The following GMEB1 variants were observed in gnomAD, a reference collection of about 807,000 sequenced individuals.
The protein encoded by GMEB1 is glucocorticoid modulatory element binding protein 1.
A neutral mutation model predicts 52.4 loss-of-function variants in GMEB1; 6 were observed. The ratio of observed to expected loss-of-function variants is 0.11; its 90% CI spans 0.06 to 0.23. GMEB1 has a LOEUF of 0.23. Among genes scored for constraint, GMEB1 ranks in the 10% least tolerant of loss-of-function variants. The pLI is 1.00. For synonymous variants in GMEB1, 255 were observed against 244.9 expected (o/e 1.04, Z -0.38); for missense variants, 486 against 685.6 (o/e 0.71, Z 3.25).
intron 1 of GMEB1, among the ~76,000 whole-genome samples, chr1:28,673,154 G>A (rs1219323689): frequency 3.9e-5 from 6 of 152,018 alleles, no homozygotes; most frequent in Non-Finnish European, 5.9e-5. Context: ...TCGGCCTCCC[G>A]AAGTGCTGGG....
intron 2 of GMEB1, 109 bp downstream of exon 2, chr1:28,683,849 G>A (rs1669508087): frequency 9.5e-7 from 1 of 1,049,098 alleles, no homozygotes; most frequent in African/African-American, 1.6e-5. Context: ...ACATCAATCA[G>A]AGCTGGCTCA....
chr1:28,692,867 TATC>T, intron 4 of GMEB1, 72 bp from the exon 5 acceptor site: 1 of 712,890 alleles, frequency 1.4e-6, no homozygotes, highest in Non-Finnish European at 2.4e-6. Context: ...GATGTAGAGT[TATC>T]ATTTCATTAT....
At chr1:28,672,796 G>T (rs1668959217) in intron 1 of GMEB1, among the ~76,000 whole-genome samples, 1 of 143,386 alleles carries the variant, frequency 7.0e-6, no homozygotes, top group Non-Finnish European at 1.5e-5. Flanking sequence ...CTGGAGTGCA[G>T]TGGCACAATC....
rs1221388260 is a variant in GMEB1 at position 28,714,746 on chromosome 1, T to G, written c.1665T>G (p.Asn555Lys). Residue 555 changes from asparagine to lysine, a missense_variant, in exon 10 of 10, where the codon AAT becomes AAG. Physicochemically the swap from Asn to Lys is moderately conservative, Grantham distance 94. Transcript: ENST00000373816. ...EMEEHQHQVH[N>K]VEIVVLED The stretch of plus-strand genomic sequence containing the variant: ...AAGAACACCAGCATCAAGTTCACAA[T>G]GTGGAGATTGTGGTCTTAGAGGATT... 1 of 1,613,228 alleles carries G rather than the reference T, an allele frequency of 6.2e-7. No homozygotes were observed. The highest frequency in any genetic ancestry group is 8.5e-7 in the Non-Finnish European group (1 of 1,179,224).
At chr1:28,711,520 C>CA (rs1211753449) in intron 9 of GMEB1, among the ~76,000 whole-genome samples, 3 of 152,096 alleles carry the variant, frequency 2.0e-5, no homozygotes, top group African/African-American at 7.2e-5. Flanking sequence ...GTGGCACAAT[C>CA]ACGGCTCACT....
intron 6 of GMEB1, among the ~76,000 whole-genome samples, chr1:28,701,214 T>C (rs1670491080): frequency 6.6e-6 from 1 of 151,982 alleles, no homozygotes; most frequent in Non-Finnish European, 1.5e-5. Context: ...TACTTTCCTA[T>C]ATTGCTGTTT....
At chr1:28,713,042 C>CA (rs1671134630) in intron 9 of GMEB1, among the ~76,000 whole-genome samples, 1 of 150,472 alleles carries the variant, frequency 6.6e-6, no homozygotes, top group African/African-American at 2.4e-5. Flanking sequence ...CCTGTAGTCC[C>CA]AGCTACTCAG....
chr1:28,668,580 C>T (rs1477923501), upstream of GMEB1, among the ~76,000 whole-genome samples: 1 of 152,026 alleles, frequency 6.6e-6, no homozygotes, highest in Non-Finnish European at 1.5e-5. Flanking sequence ...GGGTCTCTAG[C>T]GACCTTTCCA....
chr1:28,689,452 C>T (rs1669850516), intron 2 of GMEB1, among the ~76,000 whole-genome samples: 1 of 152,006 alleles, frequency 6.6e-6, no homozygotes, highest in African/African-American at 2.4e-5. Context: ...CAGTGAAACC[C>T]CATCTCTACT....
intron 9 of GMEB1, among the ~76,000 whole-genome samples, chr1:28,713,335 C>T (rs1409620937): frequency 6.6e-6 from 1 of 152,128 alleles, no homozygotes; most frequent in African/African-American, 2.4e-5. Flanking sequence ...TTATCAGGTA[C>T]TAAGTAATAG....
intron 5 of GMEB1, among the ~76,000 whole-genome samples, chr1:28,694,582 C>T (rs368958921): frequency 6.6e-6 from 1 of 151,772 alleles, no homozygotes; most frequent in East Asian, 1.9e-4. Context: ...CAGCCTCAAT[C>T]TCCTCAGCTC....
chr1:28,675,745 G>C lies in GMEB1; in HGVS notation c.-31+6906G>C, dbSNP rs1165375302. On this transcript the variant is annotated intron_variant, in intron 1 of 9. Transcript: ENST00000373816. Reference sequence around the variant, plus strand: ...AAAAAAGAAAAAAGAATTCCAGAGAGAGTTGTATGATTTCACAATGCATAC... The same window carrying C: ...AAAAAAGAAAAAAGAATTCCAGAGACAGTTGTATGATTTCACAATGCATAC... 2.0e-5 allele frequency among the ~76,000 whole-genome samples: 3 copies of C among 151,586 alleles called. No individual in the cohort carries two copies. In the East Asian group the frequency reaches 5.8e-4, roughly 29 times the overall value.
chr1:28,706,189 G>A (rs1222401622), intron 8 of GMEB1, among the ~76,000 whole-genome samples: 1 of 150,282 alleles, frequency 6.7e-6, no homozygotes, highest in Non-Finnish European at 1.5e-5. Context: ...AATAAATAAA[G>A]ATTATTCTCA....
rs1553136687 is a variant in GMEB1 at position 28,688,776 on chromosome 1, C to CGTGGTTCTTCCTATCTCAAACT, written c.129-1327_129-1306dup. On this transcript the variant is annotated intron_variant, in intron 2 of 9. Coordinates refer to ENST00000373816, the MANE Select transcript of GMEB1 (RefSeq NM_001319674.2). ...CAAGGGACATCAGCTTTTTAGTCAG[C>CGTGGTTCTTCCTATCTCAAACT]GTGGTTCTTCCTATCTCAAACTATC... Among the ~76,000 whole-genome samples the CGTGGTTCTTCCTATCTCAAACT allele has an allele frequency of 2.6e-5, 4 of 151,776 alleles. No individual in the cohort carries two copies. In the East Asian group the frequency reaches 7.7e-4, roughly 29 times the overall value.
rs1166477694 is a variant in GMEB1, at chr1:28,718,194, C to T, written c.*3421C>T. The T allele has an allele frequency of 6.6e-6, 1 of 152,200 alleles. No individual in the cohort carries two copies. The highest frequency in any genetic ancestry group is 1.5e-5 in the Non-Finnish European group (1 of 68,046). The allele number at this position is 152,200 out of a possible 1,614,324, so 9.4% of individuals were successfully genotyped here. On this transcript the variant is annotated 3_prime_UTR_variant, in exon 10 of 10. Coordinates refer to ENST00000373816, the MANE Select transcript of GMEB1 (RefSeq NM_001319674.2). Reference sequence around the variant, plus strand: ...TCTTTCTGTTCATGCATTGAATAAACATTTTTAAGAACCATCTATGTGCCA... The same window carrying T: ...TCTTTCTGTTCATGCATTGAATAAATATTTTTAAGAACCATCTATGTGCCA...
At chr1:28,677,174 G>A (rs1237826330) in intron 1 of GMEB1, among the ~76,000 whole-genome samples, 4 of 151,624 alleles carry the variant, frequency 2.6e-5, no homozygotes, top group East Asian at 1.9e-4. Context: ...ATGTAAATAT[G>A]CCAAAATTAA....
In GMEB1 at chr1:28,716,300, A is replaced by T. The variant is rs979396610; in HGVS notation, c.*1527A>T. 1 of 152,174 alleles carries T rather than the reference A, an allele frequency of 6.6e-6. No homozygotes were observed. The highest frequency in any genetic ancestry group is 1.5e-5 in the Non-Finnish European group (1 of 68,028). The allele number at this position is 152,174 out of a possible 1,614,324, so 9.4% of individuals were successfully genotyped here. ...GTCACAGGGATGGGGCTCCAAGGCCATCATTTTCATTGCATGGCTCCAAGA... is the reference window on the plus strand; with the variant it reads ...GTCACAGGGATGGGGCTCCAAGGCCTTCATTTTCATTGCATGGCTCCAAGA... On this transcript the variant is annotated 3_prime_UTR_variant, in exon 10 of 10. Transcript: ENST00000373816.
rs116093303 is a variant in GMEB1 at position 28,710,477 on chromosome 1, A to T, written c.869-43A>T. 3.3e-6 allele frequency: 5 copies of T among 1,506,648 alleles called. No individual in the cohort carries two copies. The African/African-American group carries it at 5.6e-5, about 17-fold the overall frequency. The allele number at this position is 1,506,648 out of a possible 1,614,324, so 93.3% of individuals were successfully genotyped here. ...ACAGCACAATGGAGAGTGGTGGAACATATCTGTTTTAACTGGACAGGCATG... is the reference window on the plus strand; with the variant it reads ...ACAGCACAATGGAGAGTGGTGGAACTTATCTGTTTTAACTGGACAGGCATG... On this transcript the variant is annotated intron_variant, in intron 8 of 9. Coordinates refer to ENST00000373816, the MANE Select transcript of GMEB1 (RefSeq NM_001319674.2).
intron 1 of GMEB1, among the ~76,000 whole-genome samples, chr1:28,680,590 C>T (rs965996582): frequency 1.3e-5 from 2 of 151,954 alleles, no homozygotes; most frequent in Admixed American, 1.3e-4. Context: ...CAAAAATTAG[C>T]TGGGCGTGGT....
Sources: allele counts gnomAD v4.1 joint callset (sites outside exome capture counted in the v4.1 genomes callset), GRCh38; gene constraint gnomAD v4.1.1; transcripts MANE v1.5; gene names NCBI Gene and HGNC (gene_info 2026-07-23, HGNC 2026-07-21).